DLD: variants seen among roughly 807,000 people sequenced by gnomAD.
The protein encoded by DLD is dihydrolipoamide dehydrogenase, also known as dihydrolipoyl dehydrogenase, mitochondrial.
Under a neutral mutation model 62.2 loss-of-function variants are expected in DLD, and 36 were observed. The ratio of observed to expected loss-of-function variants is 0.58; its 90% CI spans 0.44 to 0.76. The LOEUF (loss-of-function observed/expected upper bound fraction) is 0.76, where lower values mean the gene tolerates loss of function less well. DLD is among the 30% of genes least tolerant of loss of function. DLD has a pLI of 0.00. For synonymous variants in DLD, 204 were observed against 199.6 expected (o/e 1.02, Z -0.19); for missense variants, 541 against 608.6 (o/e 0.89, Z 1.17).
At chr7:107,902,780 T>C (rs925326230) in intron 4 of DLD, among the ~76,000 whole-genome samples, 1 of 152,198 alleles carries the variant, frequency 6.6e-6, no homozygotes. Flanking sequence ...CTGAAGTGTG[T>C]ACTTATGCCT....
chr7:107,915,094 A>G (rs2032235028), intron 8 of DLD, among the ~76,000 whole-genome samples: 1 of 152,126 alleles, frequency 6.6e-6, no homozygotes. Flanking sequence ...CTTTCCCCAA[A>G]CGTGCTATTT....
intron 8 of DLD, among the ~76,000 whole-genome samples, chr7:107,907,359 T>C (rs1237162366): frequency 6.6e-6 from 1 of 152,200 alleles, no homozygotes; most frequent in Admixed American, 6.5e-5. Flanking sequence ...TTTCCTAAGA[T>C]GGTACACTGC....
rs1221966658 is a variant in DLD at position 107,906,279 on chromosome 7, A to G, written c.595A>G (p.Thr199Ala). Residue 199 changes from threonine (T) to alanine (A), a missense_variant, in exon 8 of 14, where the codon ACA (threonine) becomes GCA (alanine). Physicochemically the swap from Thr to Ala is moderately conservative, Grantham distance 58. Transcript: ENST00000205402. ...GTTTTTCTTACAGATAGATGAAGAT[A>G]CAATAGTGTCATCTACAGGTGCTTT... ...PFPGITIDEDTIVSSTGALSL... is the reference protein window; with the variant it reads ...PFPGITIDEDAIVSSTGALSL... 1.9e-6 allele frequency: 3 copies of G among 1,582,916 alleles called. No individual in the cohort carries two copies. The highest frequency in any genetic ancestry group is 2.6e-6 in the Non-Finnish European group (3 of 1,151,766).
In DLD at chr7:107,917,959, T is replaced by G; in HGVS notation, c.1272T>G (p.Ala424=). ...ACAAAGTTGGGAAATTCCCATTTGC[T>G]GCTAACAGCAGAGCTAAGACAAATG... ...IEYKVGKFPF[A]ANSRAKTNAD... is the part of the protein sequence containing the mutation. Residue 424 remains alanine (A), a synonymous_variant, in exon 12 of 14, where the codon GCT becomes GCG. Transcript: ENST00000205402. 1 of 1,614,114 alleles carries G rather than the reference T, an allele frequency of 6.2e-7. No homozygotes were observed. The highest frequency in any genetic ancestry group is 1.1e-5 in the South Asian group (1 of 91,076).
chr7:107,915,268 C>G (rs2116262392), intron 8 of DLD, among the ~76,000 whole-genome samples: 1 of 152,182 alleles, frequency 6.6e-6, no homozygotes, highest in African/African-American at 2.4e-5. Context: ...TAATGTATGC[C>G]TAGAAGCTAA....
chr7:107,900,324 T>TCAAA (rs2031846556), intron 2 of DLD, among the ~76,000 whole-genome samples: 1 of 151,932 alleles, frequency 6.6e-6, no homozygotes, highest in African/African-American at 2.4e-5. Context: ...GGAGAGGGGG[T>TCAAA]GATGCAAATT....
chr7:107,914,929 T>C (rs2032230084), intron 8 of DLD, among the ~76,000 whole-genome samples: 1 of 152,242 alleles, frequency 6.6e-6, no homozygotes, highest in Admixed American at 6.5e-5. Flanking sequence ...TTTAATATTC[T>C]GCAAACATCA....
intron 2 of DLD, among the ~76,000 whole-genome samples, chr7:107,897,348 A>G (rs944676306): frequency 6.6e-6 from 1 of 152,202 alleles, no homozygotes; most frequent in Non-Finnish European, 1.5e-5. Context: ...AGGAGCACAC[A>G]TTTCAGAATC....
rs146649107 is a variant in DLD, at chr7:107,899,239, T to C, written c.119-2499T>C. On this transcript the variant is annotated intron_variant, in intron 2 of 13. Transcript: ENST00000205402. ...TCCTGTATTCTCAGTTGACAGATCT[T>C]TACATAAAGAGTCTGCTTTTTTCTC... Among the ~76,000 whole-genome samples, 397 of 151,622 alleles carry C rather than the reference T, an allele frequency of 2.6e-3. 7 individuals are homozygous for C. In the East Asian group the frequency reaches 0.065, roughly 25 times the overall value.
At chr7:107,918,942 C>A in intron 12 of DLD, 68 bp from the exon 13 acceptor site, 1 of 1,291,800 alleles carries the variant, frequency 7.7e-7, no homozygotes, top group Non-Finnish European at 1.1e-6. Context: ...TTCCCCTCAA[C>A]AATTGCTATC....
chr7:107,911,468 G>A (rs2032139062), intron 8 of DLD, among the ~76,000 whole-genome samples: 1 of 151,966 alleles, frequency 6.6e-6, no homozygotes, highest in Non-Finnish European at 1.5e-5. Context: ...GTTTTTGTGT[G>A]GTTATCTGTT....
chr7:107,893,512 A>G (rs1006479766), intron 2 of DLD: 4 of 385,184 alleles, frequency 1.0e-5, no homozygotes, highest in East Asian at 9.1e-5. Context: ...CAAACAATAT[A>G]TAAGTAATGG....
At chr7:107,916,643 GT>G (rs1456485513) in intron 9 of DLD, 150 bp from the exon 10 acceptor site, 12 of 792,236 alleles carry the variant, frequency 1.5e-5, no homozygotes, top group Non-Finnish European at 2.5e-5. Context: ...CTGTACTCCA[GT>G]CTGGCGACAG....
At chr7:107,910,512 G>C (rs890066273) in intron 8 of DLD, among the ~76,000 whole-genome samples, 3 of 152,028 alleles carry the variant, frequency 2.0e-5, no homozygotes, top group African/African-American at 7.2e-5. Context: ...TCACATAACT[G>C]TATTTTCATT....
intron 2 of DLD, among the ~76,000 whole-genome samples, chr7:107,895,222 C>G (rs1206161295): frequency 6.6e-6 from 1 of 152,216 alleles, no homozygotes; most frequent in East Asian, 1.9e-4. Context: ...GGTTTTTTAA[C>G]TAGGAAATGA....
At chr7:107,896,428 C>T (rs968545496) in intron 2 of DLD, among the ~76,000 whole-genome samples, 1 of 152,196 alleles carries the variant, frequency 6.6e-6, no homozygotes, top group African/African-American at 2.4e-5. Context: ...CTATTACCCC[C>T]ATGTTGTATC....
Position 107,917,335 on chromosome 7 carries a change from G to A in DLD, c.1109G>A (p.Gly370Asp). 1 of 1,614,122 alleles carries A rather than the reference G, an allele frequency of 6.2e-7. No individual in the cohort carries two copies. Among genetic ancestry groups the A allele is most frequent in the Non-Finnish European group, 8.5e-7 (1 of 1,180,010 alleles). The change falls in exon 11 of 14, where the codon GGC becomes GAC. Residue 370 changes from glycine to aspartate, a missense_variant. Coordinates refer to ENST00000205402, the MANE Select transcript of DLD (RefSeq NM_000108.5). ...PMLAHKAEDE[G>D]IICVEGMAGG... ...CTGGCTCACAAAGCAGAGGATGAAGGCATTATCTGTGTTGAAGGAATGGCT... is the reference window on the plus strand; with the variant it reads ...CTGGCTCACAAAGCAGAGGATGAAGACATTATCTGTGTTGAAGGAATGGCT...
chr7:107,901,331 A>G (rs1371040686), intron 2 of DLD, among the ~76,000 whole-genome samples: 1 of 152,158 alleles, frequency 6.6e-6, no homozygotes, highest in Non-Finnish European at 1.5e-5. Context: ...ACAACTACTC[A>G]TTGGCCGTGC....
chr7:107,896,935 A>G (rs1281167225), intron 2 of DLD, among the ~76,000 whole-genome samples: 1 of 151,756 alleles, frequency 6.6e-6, no homozygotes, highest in Non-Finnish European at 1.5e-5. Context: ...TCCCGGGTTC[A>G]AGTGATTCTC....
Sources: gnomAD v4.1 joint callset for allele counts (sites outside exome capture counted in the v4.1 genomes callset) on GRCh38, gnomAD v4.1.1 for gene constraint, MANE v1.5 for transcripts, NCBI Gene and HGNC (gene_info 2026-07-23, HGNC 2026-07-21) for gene names.